Variants in SYCE3 observed in about 807,000 individuals in gnomAD.
SYCE3 encodes testis highly expressed gene 2 protein.
Under a neutral mutation model 8.1 loss-of-function variants are expected in SYCE3, and 3 were observed. The ratio of observed to expected loss-of-function variants is 0.37; its 90% confidence interval spans 0.17 to 0.96. The LOEUF is 0.96. Among genes scored for constraint, SYCE3 ranks in the 40% least tolerant of loss-of-function variants. The pLI is 0.41. For synonymous variants in SYCE3, 36 were observed against 38.7 expected (o/e 0.93, Z 0.26); for missense variants, 83 against 110.0 (o/e 0.75, Z 1.10).
chr22:50,554,908 G>A (rs1258899771), intron 2 of SYCE3, among the ~76,000 whole-genome samples: 3 of 151,774 alleles, frequency 2.0e-5, no homozygotes, highest in African/African-American at 7.3e-5. Context: ...GGATCACGAG[G>A]TCAGGAGATC....
intron 2 of SYCE3, among the ~76,000 whole-genome samples, chr22:50,553,902 T>C (rs1569032355): frequency 6.6e-6 from 1 of 152,028 alleles, no homozygotes; most frequent in Admixed American, 6.6e-5. Flanking sequence ...TATATAAAAA[T>C]GCAATATGCG....
chr22:50,556,548 T>C (rs6009997), intron 1 of SYCE3, 143 bp from the exon 2 acceptor site: 38 of 599,888 alleles, frequency 6.3e-5, no homozygotes, highest in African/African-American at 1.8e-4. Context: ...CACAGGGCTG[T>C]TGTGAAGGTT....
chr22:50,552,407 C>T (rs2069818354), intron 2 of SYCE3, among the ~76,000 whole-genome samples: 1 of 152,132 alleles, frequency 6.6e-6, no homozygotes, highest in Non-Finnish European at 1.5e-5. Context: ...AATCCCAGCA[C>T]TTTGGGAGGC....
At chr22:50,559,000 A>G (rs1042366633) in intron 1 of SYCE3, among the ~76,000 whole-genome samples, 4 of 152,096 alleles carry the variant, frequency 2.6e-5, no homozygotes, top group Non-Finnish European at 5.9e-5. Context: ...TTGATGTTTT[A>G]ACCTTGTTCT....
At chr22:50,556,546 T>A in intron 1 of SYCE3, 141 bp from the exon 2 acceptor site, 1 of 607,278 alleles carries the variant, frequency 1.6e-6, no homozygotes, top group Non-Finnish European at 2.9e-6. Context: ...TCCACAGGGC[T>A]GTTGTGAAGG....
Position 50,551,244 on chromosome 22 carries a change from C to T in SYCE3, c.*1G>A. On this transcript the variant is annotated 3_prime_UTR_variant, in exon 3 of 3. Transcript: ENST00000406915. ...TGGCAGCTGTGGTGGGCCAGTGGGG[C>T]CTACAGCCTTTGCTTGGTCTCATGC... The T allele has an allele frequency of 6.4e-7, 1 of 1,551,150 alleles. No homozygotes were observed. Among genetic ancestry groups the T allele is most frequent in the Non-Finnish European group, 8.7e-7 (1 of 1,146,840 alleles).
intron 1 of SYCE3, among the ~76,000 whole-genome samples, chr22:50,561,842 G>A (rs1027326893): frequency 1.3e-5 from 2 of 150,254 alleles, no homozygotes; most frequent in East Asian, 2.0e-4. Context: ...GAGTCTGGGC[G>A]GGTCCTGAAG....
intron 2 of SYCE3, among the ~76,000 whole-genome samples, chr22:50,552,514 C>T (rs918473546): frequency 1.2e-4 from 18 of 152,050 alleles, no homozygotes; most frequent in African/African-American, 3.4e-4. Context: ...AAAAATTAGC[C>T]GGGTGTGGTG....
chr22:50,552,371 G>A (rs12159009), intron 2 of SYCE3, among the ~76,000 whole-genome samples: 119 of 152,284 alleles, frequency 7.8e-4, no homozygotes, highest in African/African-American at 2.7e-3. Flanking sequence ...TATCAATCTC[G>A]GCCGGGTGCG....
At chr22:50,552,410 T>A (rs1489894200) in intron 2 of SYCE3, among the ~76,000 whole-genome samples, 2 of 152,094 alleles carry the variant, frequency 1.3e-5, no homozygotes, top group Non-Finnish European at 2.9e-5. Flanking sequence ...CCCAGCACTT[T>A]GGGAGGCCAA....
chr22:50,554,866 T>C (rs1165113638), intron 2 of SYCE3, among the ~76,000 whole-genome samples: 2 of 151,914 alleles, frequency 1.3e-5, no homozygotes, highest in African/African-American at 4.8e-5. Flanking sequence ...TTTACGCCTG[T>C]AATCCCAGCA....
chr22:50,553,844 G>A (rs2069833200), intron 2 of SYCE3, among the ~76,000 whole-genome samples: 2 of 152,078 alleles, frequency 1.3e-5, no homozygotes, highest in African/African-American at 4.8e-5. Context: ...GCTTCCCAAA[G>A]TGCTGGGTTT....
chr22:50,557,457 A>G (rs2069871862), intron 1 of SYCE3, among the ~76,000 whole-genome samples: 1 of 151,976 alleles, frequency 6.6e-6, no homozygotes, highest in Non-Finnish European at 1.5e-5. Flanking sequence ...CACCCAGCCA[A>G]GTTTTGTATT....
intron 2 of SYCE3, among the ~76,000 whole-genome samples, chr22:50,552,391 G>A (rs543536849): frequency 4.6e-5 from 7 of 152,232 alleles, no homozygotes; most frequent in East Asian, 3.9e-4. Flanking sequence ...GGTGGCTCAC[G>A]CCTGTAATCC....
chr22:50,553,575 C>T (rs1293350239), intron 2 of SYCE3, among the ~76,000 whole-genome samples: 1 of 152,064 alleles, frequency 6.6e-6, no homozygotes, highest in African/African-American at 2.4e-5. Context: ...CAAACACCCT[C>T]CCTCTATGCC....
At chr22:50,555,061 G>A (rs2069846277) in intron 2 of SYCE3, among the ~76,000 whole-genome samples, 1 of 152,008 alleles carries the variant, frequency 6.6e-6, no homozygotes, top group Non-Finnish European at 1.5e-5. Context: ...GGCGGAGCTT[G>A]CAGTGAGCCG....
intron 1 of SYCE3, among the ~76,000 whole-genome samples, chr22:50,558,867 C>A (rs1312167405): frequency 6.6e-6 from 1 of 152,226 alleles, no homozygotes; most frequent in African/African-American, 2.4e-5. Context: ...CTCTGACATT[C>A]ACTGACAATG....
chr22:50,551,223 A>G lies in SYCE3; in HGVS notation c.*22T>C. 1 of 1,549,750 alleles carries G rather than the reference A, an allele frequency of 6.5e-7. No homozygotes were observed. Among genetic ancestry groups the G allele is most frequent in the South Asian group, 1.2e-5 (1 of 83,996 alleles). On this transcript the variant is annotated 3_prime_UTR_variant, in exon 3 of 3. Coordinates refer to ENST00000406915, the MANE Select transcript of SYCE3 (RefSeq NM_001123225.3). Reference sequence around the variant, plus strand: ...TCATACGGGCAGAGGGTGGCATGGCAGCTGTGGTGGGCCAGTGGGGCCTAC... The same window carrying G: ...TCATACGGGCAGAGGGTGGCATGGCGGCTGTGGTGGGCCAGTGGGGCCTAC...
Position 50,552,500 on chromosome 22 carries a change from A to G in SYCE3, c.110-1098T>C, listed in dbSNP as rs117051064. Among the ~76,000 whole-genome samples the G allele has an allele frequency of 7.8e-3, 1,193 of 152,252 alleles. 13 individuals are homozygous for G. The highest frequency in any genetic ancestry group is 0.054 in the Middle Eastern group (16 of 294). ...TGTTCCTGGCCCATCTCTACTAAAAATATAAAAATTAGCCGGGTGTGGTGG... is the reference window on the plus strand; with the variant it reads ...TGTTCCTGGCCCATCTCTACTAAAAGTATAAAAATTAGCCGGGTGTGGTGG... On this transcript the variant is annotated intron_variant, in intron 2 of 2. Coordinates refer to ENST00000406915, the MANE Select transcript of SYCE3 (RefSeq NM_001123225.3).
Sources: gnomAD v4.1 joint callset for allele counts (sites outside exome capture counted in the v4.1 genomes callset) on GRCh38, gnomAD v4.1.1 for gene constraint, MANE v1.5 for transcripts, NCBI Gene and HGNC (gene_info 2026-07-23, HGNC 2026-07-21) for gene names.